LRRC37A2: variants seen among roughly 807,000 people sequenced by gnomAD.
LRRC37A2 encodes leucine rich repeat containing 37 member A2.
LRRC37A2 carries 9 observed loss-of-function variants against 68.8 expected under a neutral mutation model. The observed-to-expected ratio is 0.13, with a 90% CI of 0.08 to 0.23. LRRC37A2 has a LOEUF of 0.23. LRRC37A2 is among the 10% of genes least tolerant of loss of function. The pLI, the probability that LRRC37A2 is intolerant of heterozygous loss-of-function variation, is 1.00. For missense variants in LRRC37A2, 168 were observed against 950.4 expected (o/e 0.18, Z 10.82); for synonymous variants, 63 against 367.6 (o/e 0.17, Z 9.48).
chr17:46,935,909 C>G, the LRRC37A2 span: 1 of 985,690 alleles, frequency 1.0e-6, no homozygotes, highest in Non-Finnish European at 1.2e-6. Flanking sequence ...AGGGTGTGGT[C>G]CCCTGTGAAT....
the LRRC37A2 span, among the ~76,000 whole-genome samples, chr17:46,836,064 C>A: frequency 1.4e-5 from 2 of 143,506 alleles, no homozygotes; most frequent in African/African-American, 5.4e-5. Context: ...CCTGCTGGGG[C>A]TCCCAGGAAC....
At chr17:46,866,081 G>A in the LRRC37A2 span, among the ~76,000 whole-genome samples, 1 of 152,302 alleles carries the variant, frequency 6.6e-6, no homozygotes, top group South Asian at 2.1e-4. Flanking sequence ...CATGGAGGAG[G>A]TGCAAGGTGG....
the LRRC37A2 span, among the ~76,000 whole-genome samples, chr17:46,954,627 G>A: frequency 6.6e-6 from 1 of 152,132 alleles, no homozygotes; most frequent in African/African-American, 2.4e-5. Flanking sequence ...AGTATGGCCA[G>A]TTTCATGATA....
chr17:46,904,521 A>ATGGT, the LRRC37A2 span, among the ~76,000 whole-genome samples: 1 of 150,442 alleles, frequency 6.6e-6, no homozygotes, highest in African/African-American at 2.5e-5. Context: ...CGGATGATGG[A>ATGGT]TGGATGGATG....
chr17:46,789,360 C>T, the LRRC37A2 span, among the ~76,000 whole-genome samples: 7 of 152,194 alleles, frequency 4.6e-5, no homozygotes, highest in South Asian at 6.2e-4. Context: ...CTATACACTA[C>T]GGCAGATCAC....
chr17:46,761,334 G>GTTT, the LRRC37A2 span, among the ~76,000 whole-genome samples: 4 of 137,586 alleles, frequency 2.9e-5, no homozygotes, highest in Non-Finnish European at 6.4e-5. Flanking sequence ...TTTTTTGTTT[G>GTTT]TTTTTTTTTT....
the LRRC37A2 span, among the ~76,000 whole-genome samples, chr17:47,000,556 G>C: frequency 6.6e-6 from 1 of 151,982 alleles, no homozygotes; most frequent in South Asian, 2.1e-4. Context: ...TTTGGGGGAA[G>C]CTTCCATTGC....
At chr17:47,010,859 G>A in the LRRC37A2 span, 1 of 152,436 alleles carries the variant, frequency 6.6e-6, no homozygotes. Flanking sequence ...GGGCAGGGAT[G>A]GACCTTCCTC....
chr17:47,044,910 G>A, the LRRC37A2 span, among the ~76,000 whole-genome samples: 2 of 148,946 alleles, frequency 1.3e-5, no homozygotes, highest in African/African-American at 2.5e-5. Context: ...TACTCATGAG[G>A]CTGAGGTGGG....
the LRRC37A2 span, among the ~76,000 whole-genome samples, chr17:46,942,769 A>G: frequency 2.0e-5 from 3 of 152,200 alleles, no homozygotes; most frequent in African/African-American, 7.2e-5. Context: ...GGCCTGCTGT[A>G]CTTAGAAGCT....
the LRRC37A2 span, among the ~76,000 whole-genome samples, chr17:46,799,909 T>C: frequency 6.6e-6 from 1 of 152,160 alleles, no homozygotes; most frequent in Non-Finnish European, 1.5e-5. Context: ...GCACCACAGG[T>C]GGTTCTGTCA....
the LRRC37A2 span, among the ~76,000 whole-genome samples, chr17:46,842,242 ATGAG>A: frequency 2.6e-5 from 4 of 152,326 alleles, no homozygotes; most frequent in Admixed American, 2.0e-4. Flanking sequence ...TGAGGAAGAG[ATGAG>A]TTATTGGTCA....
the LRRC37A2 span, among the ~76,000 whole-genome samples, chr17:46,916,377 C>T: frequency 6.6e-6 from 1 of 152,182 alleles, no homozygotes; most frequent in South Asian, 2.1e-4. Flanking sequence ...CCCCTGACAA[C>T]TGATTTCAGT....
At chr17:47,000,004 A>AAAAT in the LRRC37A2 span, among the ~76,000 whole-genome samples, 46 of 10,462 alleles carry the variant, frequency 4.4e-3, 1 homozygote, top group South Asian at 0.036. Context: ...ATCTCAAAAT[A>AAAAT]AAATAAAATA....
chr17:46,827,533 A>G, the LRRC37A2 span, among the ~76,000 whole-genome samples: 1 of 152,154 alleles, frequency 6.6e-6, no homozygotes, highest in Non-Finnish European at 1.5e-5. Context: ...CTCTGACACC[A>G]TTGCTGAGAC....
At chr17:46,929,413 T>C in the LRRC37A2 span, 1 of 736,974 alleles carries the variant, frequency 1.4e-6, no homozygotes, top group Non-Finnish European at 2.5e-6. Context: ...TCAGTGATGC[T>C]GTCGATTTAA....
the LRRC37A2 span, among the ~76,000 whole-genome samples, chr17:46,982,877 C>T: frequency 6.6e-6 from 1 of 152,080 alleles, no homozygotes; most frequent in Non-Finnish European, 1.5e-5. Context: ...AAAGGCAGGC[C>T]GAGGGGAAGG....
chr17:46,727,702 CT>C, the LRRC37A2 span, among the ~76,000 whole-genome samples: 1 of 152,068 alleles, frequency 6.6e-6, no homozygotes, highest in Non-Finnish European at 1.5e-5. Context: ...TCTTTAAAAG[CT>C]TTTAGGCACA....
the LRRC37A2 span, among the ~76,000 whole-genome samples, chr17:46,789,669 G>T: frequency 6.6e-6 from 1 of 152,230 alleles, no homozygotes; most frequent in African/African-American, 2.4e-5. Context: ...TCAGAGCAGG[G>T]TTTGAACCCA....
Sources: gnomAD v4.1 joint callset for allele counts (sites outside exome capture counted in the v4.1 genomes callset) on GRCh38, gnomAD v4.1.1 for gene constraint, MANE v1.5 for transcripts, NCBI Gene and HGNC (gene_info 2026-07-23, HGNC 2026-07-21) for gene names.